Variants in C2orf42 observed in about 807,000 individuals in gnomAD.
C2orf42 encodes chromosome 2 open reading frame 42.
Under a neutral mutation model 58.9 loss-of-function variants are expected in C2orf42, and 44 were observed. That is an observed-to-expected ratio of 0.75 (90% CI 0.59 to 0.96). C2orf42 has a LOEUF of 0.96. C2orf42 is among the 40% of genes least tolerant of loss of function. The pLI, the probability that C2orf42 is intolerant of heterozygous loss-of-function variation, is 0.00. For missense variants in C2orf42, 630 were observed against 699.2 expected (o/e 0.90, Z 1.12); for synonymous variants, 239 against 265.4 (o/e 0.90, Z 0.97).
intron 5 of C2orf42, among the ~76,000 whole-genome samples, chr2:70,174,827 C>T (rs1191025683): frequency 6.6e-6 from 1 of 151,984 alleles, no homozygotes; most frequent in Non-Finnish European, 1.5e-5. Context: ...TCTGCCACCA[C>T]ATCTGGCTAA....
intron 9 of C2orf42, among the ~76,000 whole-genome samples, chr2:70,160,412 G>C (rs1444955477): frequency 6.6e-6 from 1 of 152,038 alleles, no homozygotes; most frequent in Non-Finnish European, 1.5e-5. Context: ...CAAAGTGCTG[G>C]GATTATAGGT....
chr2:70,159,955 A>G (rs1672949810), intron 9 of C2orf42, among the ~76,000 whole-genome samples: 2 of 152,210 alleles, frequency 1.3e-5, no homozygotes, highest in African/African-American at 4.8e-5. Flanking sequence ...TAGATATTTC[A>G]TTCACAAGAG....
rs548173312 is a variant in C2orf42, at chr2:70,157,244, G to T, written c.1516+3381C>A. Among the ~76,000 whole-genome samples, 165 of 150,138 alleles carry T rather than the reference G, an allele frequency of 1.1e-3. 3 individuals carry two copies. The highest frequency in any genetic ancestry group is 4.9e-3 in the Admixed American group (74 of 15,014). ...CCGAGGTGGATGGATCACGAGGTCA[G>T]GAGATCGAGACCATCCTGGCTAACA... On this transcript the variant is annotated intron_variant, in intron 9 of 9. Transcript: ENST00000264434.
At chr2:70,189,074 A>G (rs1675143333) in intron 1 of C2orf42, among the ~76,000 whole-genome samples, 1 of 152,094 alleles carries the variant, frequency 6.6e-6, no homozygotes, top group Non-Finnish European at 1.5e-5. Flanking sequence ...ACAAAATGGA[A>G]TACTTCCCAG....
intron 5 of C2orf42, among the ~76,000 whole-genome samples, chr2:70,175,219 C>T (rs549676476): frequency 6.6e-6 from 1 of 152,300 alleles, no homozygotes; most frequent in South Asian, 2.1e-4. Flanking sequence ...GGCTTGGCCT[C>T]CCAAAGTGCT....
chr2:70,179,744 A>T (rs1330435973), intron 3 of C2orf42, 102 bp from the exon 4 acceptor site: 1 of 471,032 alleles, frequency 2.1e-6, no homozygotes, highest in Non-Finnish European at 3.8e-6. Context: ...AAAATCCCCC[A>T]AACGAATTAT....
chr2:70,183,620 G>A (rs962041730), intron 1 of C2orf42, among the ~76,000 whole-genome samples: 4 of 151,246 alleles, frequency 2.6e-5, no homozygotes, highest in East Asian at 3.9e-4. Flanking sequence ...TAGTAGAGAC[G>A]GGGTTTCACT....
chr2:70,179,976 T>C (rs1018535647), intron 3 of C2orf42, among the ~76,000 whole-genome samples: 5 of 151,726 alleles, frequency 3.3e-5, no homozygotes, highest in African/African-American at 7.3e-5. Flanking sequence ...AAAAAAATTA[T>C]GGAGTGATTG....
chr2:70,159,461 G>A (rs911171542), intron 9 of C2orf42, among the ~76,000 whole-genome samples: 7 of 151,514 alleles, frequency 4.6e-5, no homozygotes, highest in South Asian at 2.1e-4. Flanking sequence ...GACGGTGGGC[G>A]CCTGTAATCC....
intron 9 of C2orf42, among the ~76,000 whole-genome samples, chr2:70,156,427 G>A (rs1182482421): frequency 6.6e-6 from 1 of 151,850 alleles, no homozygotes; most frequent in East Asian, 1.9e-4. Context: ...CAAGGCTGTA[G>A]TGCACTATGA....
intron 5 of C2orf42, among the ~76,000 whole-genome samples, chr2:70,175,050 A>T (rs1164734985): frequency 1.3e-5 from 2 of 152,066 alleles, no homozygotes; most frequent in African/African-American, 4.8e-5. Flanking sequence ...GTTTTTTTTA[A>T]AAATTATTTT....
intron 9 of C2orf42, among the ~76,000 whole-genome samples, chr2:70,151,852 G>A (rs1287903503): frequency 1.3e-5 from 2 of 151,906 alleles, no homozygotes; most frequent in East Asian, 1.9e-4. Context: ...TTGCAATCTC[G>A]GTTCACTGCA....
At chr2:70,172,638 G>A (rs549920251) in intron 5 of C2orf42, among the ~76,000 whole-genome samples, 27 of 152,046 alleles carry the variant, frequency 1.8e-4, no homozygotes, top group East Asian at 1.2e-3. Flanking sequence ...CCGCCACTGC[G>A]CTCCAGCCTG....
At chr2:70,190,870 C>G (rs531364598) in intron 1 of C2orf42, 103 bp downstream of exon 1, 1 of 152,778 alleles carries the variant, frequency 6.5e-6, no homozygotes, top group Admixed American at 6.5e-5. Context: ...GAGCTCTACA[C>G]CCCTGCCCCA....
intron 6 of C2orf42, among the ~76,000 whole-genome samples, chr2:70,167,857 G>A (rs1309760962): frequency 1.3e-5 from 2 of 152,116 alleles, no homozygotes; most frequent in Admixed American, 1.3e-4. Flanking sequence ...TGGAATAGAG[G>A]GTGGTACAGG....
chr2:70,168,389 G>C (rs528322139), intron 6 of C2orf42, among the ~76,000 whole-genome samples: 4 of 148,538 alleles, frequency 2.7e-5, no homozygotes, highest in Non-Finnish European at 5.9e-5. Flanking sequence ...CTGGGTTCAC[G>C]CCATTCTCCT....
intron 1 of C2orf42, among the ~76,000 whole-genome samples, chr2:70,186,988 GATA>G (rs1281790006): frequency 6.6e-6 from 1 of 152,062 alleles, no homozygotes; most frequent in Non-Finnish European, 1.5e-5. Flanking sequence ...AGCATTAGGA[GATA>G]TACCTAAGGC....
intron 1 of C2orf42, among the ~76,000 whole-genome samples, chr2:70,187,175 G>GTTGGTGCTGTAGC (rs1352629142): frequency 1.3e-5 from 2 of 152,070 alleles, no homozygotes; most frequent in African/African-American, 4.8e-5. Context: ...TTTGCCAGCT[G>GTTGGTGCTGTAGC]TTGGTGCTGT....
At chr2:70,159,416 C>T (rs1233267324) in intron 9 of C2orf42, among the ~76,000 whole-genome samples, 6 of 151,360 alleles carry the variant, frequency 4.0e-5, no homozygotes, top group Middle Eastern at 3.4e-3. Flanking sequence ...GGTGAAACCC[C>T]GTCTCTACTA....
Sources: gnomAD v4.1 joint callset for allele counts (sites outside exome capture counted in the v4.1 genomes callset) on GRCh38, gnomAD v4.1.1 for gene constraint, MANE v1.5 for transcripts, NCBI Gene and HGNC (gene_info 2026-07-23, HGNC 2026-07-21) for gene names.